AKAP11: variants seen among roughly 807,000 people sequenced by gnomAD.
AKAP11 encodes the protein A-kinase anchoring protein 11.
Under a neutral mutation model 146.1 loss-of-function variants are expected in AKAP11, and 36 were observed. The observed-to-expected ratio is 0.25, with a 90% CI of 0.19 to 0.33. The LOEUF (loss-of-function observed/expected upper bound fraction) is 0.33, where lower values mean the gene tolerates loss of function less well. AKAP11 is among the 10% of genes least tolerant of loss of function. AKAP11 has a pLI of 1.00. For synonymous variants in AKAP11, 780 were observed against 786.5 expected (o/e 0.99, Z 0.14); for missense variants, 2,201 against 2,197.0 (o/e 1.00, Z -0.04).
chr13:42,292,576 G>A, intron 4 of AKAP11, 75 bp downstream of exon 4: 1 of 846,036 alleles, frequency 1.2e-6, no homozygotes, highest in Non-Finnish European at 1.7e-6. Flanking sequence ...AGGACTCTAT[G>A]ATCTATTTTT....
chr13:42,299,833 G>C lies in AKAP11; in HGVS notation c.1087G>C (p.Asp363His). 1 of 1,613,770 alleles carries C rather than the reference G, an allele frequency of 6.2e-7. No individual in the cohort carries two copies. Among genetic ancestry groups the C allele is most frequent in the Non-Finnish European group, 8.5e-7 (1 of 1,179,870 alleles). The change falls in exon 8 of 13, where the codon GAT becomes CAT. Residue 363 changes from aspartate to histidine, a missense_variant. Transcript: ENST00000025301. ...SEFFDSFDQF[D>H]ELEQTLETCL... is the part of the protein sequence containing the mutation. ...ATTTTTTGATAGTTTTGATCAGTTT[G>C]ATGAACTAGAACAAACTTTAGAGAC...
chr13:42,303,426 G>A lies in AKAP11; in HGVS notation c.4680G>A (p.Val1560=), dbSNP rs1427676131. 6 of 1,614,040 alleles carry A rather than the reference G, an allele frequency of 3.7e-6. No individual in the cohort carries two copies. Among genetic ancestry groups the A allele is most frequent in the Non-Finnish European group, 5.1e-6 (6 of 1,180,032 alleles). The change falls in exon 8 of 13, where the codon GTG becomes GTA. Residue 1560 remains valine, a synonymous_variant. Coordinates refer to ENST00000025301, the MANE Select transcript of AKAP11 (RefSeq NM_016248.4). ...DTLELTLGST[V]FRVSETTKSA... is the part of the protein sequence containing the mutation. Reference sequence around the variant, plus strand: ...TAGAGCTAACTCTAGGATCTACAGTGTTCCGAGTGTCTGAGACCACAAAAT... The same window carrying A: ...TAGAGCTAACTCTAGGATCTACAGTATTCCGAGTGTCTGAGACCACAAAAT...
At position 42,298,523 on chromosome 13, in the gene AKAP11, CT is replaced by C. The variant is rs769392668; in HGVS notation, c.352-7del. ...TAAAATTGTTTTTATTATCTTTTAT[CT>C]TTCCCAAGAGTCATCCTTCTGGAAT... is the stretch of plus-strand genomic sequence containing the variant. On this transcript the variant is annotated splice_polypyrimidine_tract_variant and intron_variant, in intron 6 of 12. Transcript: ENST00000025301. 6.2e-7 allele frequency: 1 copy of C among 1,602,432 alleles called. No individual in the cohort carries two copies. The highest frequency in any genetic ancestry group is 1.1e-5 in the South Asian group (1 of 88,078).
chr13:42,282,679 G>C (rs1336016123), intron 1 of AKAP11, among the ~76,000 whole-genome samples: 1 of 152,020 alleles, frequency 6.6e-6, no homozygotes, highest in Non-Finnish European at 1.5e-5. Context: ...AGCAATGTCT[G>C]TTCTGCTTTT....
Position 42,317,553 on chromosome 13 carries a change from G to A in AKAP11, c.5430G>A (p.Leu1810=), listed in dbSNP as rs1386436324. Residue 1810 remains leucine, a synonymous_variant, in exon 12 of 13, where the codon CTG becomes CTA. Coordinates refer to ENST00000025301, the MANE Select transcript of AKAP11 (RefSeq NM_016248.4). ...VEGLGQDGKT[L]LITNIDMEPC... ...GTTTGGGGCAAGATGGAAAGACACTGCTAATTACGAATATTGACATGGAGC... is the reference window on the plus strand; with the variant it reads ...GTTTGGGGCAAGATGGAAAGACACTACTAATTACGAATATTGACATGGAGC... The A allele has an allele frequency of 6.2e-7, 1 of 1,613,838 alleles. No individual in the cohort carries two copies. The highest frequency in any genetic ancestry group is 1.1e-5 in the South Asian group (1 of 91,008).
At position 42,320,555 on chromosome 13, in the gene AKAP11, C is replaced by G. The variant is rs1414987212; in HGVS notation, c.*1327C>G. On this transcript the variant is annotated 3_prime_UTR_variant, in exon 13 of 13. Transcript: ENST00000025301. Reference sequence around the variant, plus strand: ...ACTGTCTCTCACCTCCCCCACCCCCCACTCTCTCTCATCTCTCGCTGTGTC... The same window carrying G: ...ACTGTCTCTCACCTCCCCCACCCCCGACTCTCTCTCATCTCTCGCTGTGTC... 6.6e-6 allele frequency: 1 copy of G among 150,552 alleles called. No individual in the cohort carries two copies. The highest frequency in any genetic ancestry group is 2.4e-5 in the African/African-American group (1 of 40,834). The allele number at this position is 150,552 out of a possible 1,614,324, so 9.3% of individuals were successfully genotyped here. A position where few individuals can be genotyped will look rare whatever the true frequency, so the allele number is the denominator to read the frequency against.
In AKAP11 at chr13:42,317,611, C is replaced by A. The variant is rs1960883541; in HGVS notation, c.5488C>A (p.Leu1830Ile). 1.2e-6 allele frequency: 2 copies of A among 1,614,054 alleles called. No individual in the cohort carries two copies. Among genetic ancestry groups the A allele is most frequent in the Admixed American group, 1.7e-5 (1 of 60,008 alleles). ...CTVDPQLRII[L>I]QWLIASEAEV... ...GGTAGACCCCCAGCTAAGGATTATT[C>A]TTCAGTGGCTCATTGCCTCTGAGGC... Residue 1830 changes from leucine (L) to isoleucine (I), a missense_variant, in exon 12 of 13, where the codon CTT (leucine) becomes ATT (isoleucine). Leu to Ile is a conservative substitution (Grantham distance 5, BLOSUM62 2). This residue lies in a region of AKAP11 where 1,867 missense variants were observed against 1,833.5 expected (regional missense o/e 1.02). Transcript: ENST00000025301.
At chr13:42,277,467 A>T (rs1452714576) in intron 1 of AKAP11, among the ~76,000 whole-genome samples, 1 of 152,244 alleles carries the variant, frequency 6.6e-6, no homozygotes, top group Admixed American at 6.5e-5. Context: ...GACCCATGTT[A>T]TTCCTTTCAA....
chr13:42,303,495 A>C lies in AKAP11; in HGVS notation c.4749A>C (p.Thr1583=). 2.5e-6 allele frequency: 4 copies of C among 1,614,232 alleles called. No individual in the cohort carries two copies. Among genetic ancestry groups the C allele is most frequent in the South Asian group, 1.1e-5 (1 of 91,084 alleles). Residue 1583 remains threonine, a synonymous_variant, in exon 8 of 13, where the codon ACA becomes ACC. Coordinates refer to ENST00000025301, the MANE Select transcript of AKAP11 (RefSeq NM_016248.4). The part of the protein sequence containing the change: ...VTYAEKLSPL[T]GQACRYCDLK... Reference sequence around the variant, plus strand: ...ATGCAGAAAAGTTGTCACCTCTTACAGGTCAAGCTTGCAGATACTGTGACC... The same window carrying C: ...ATGCAGAAAAGTTGTCACCTCTTACCGGTCAAGCTTGCAGATACTGTGACC...
Position 42,319,127 on chromosome 13 carries a change from G to A in AKAP11, c.5605G>A (p.Asp1869Asn), listed in dbSNP as rs1429584967. 1 of 1,613,898 alleles carries A rather than the reference G, an allele frequency of 6.2e-7. No homozygotes were observed. The highest frequency in any genetic ancestry group is 8.5e-7 in the Non-Finnish European group (1 of 1,179,952). The change falls in exon 13 of 13, where the codon GAC becomes AAC. Residue 1869 changes from aspartate to asparagine, a missense_variant. Asp to Asn is a conservative substitution (Grantham distance 23). Coordinates refer to ENST00000025301, the MANE Select transcript of AKAP11 (RefSeq NM_016248.4). ...ACAAGAGAAAGGATGGAAAGTGGGA[G>A]ACCTCCTGCAGGCTGTGCTTCAATA... ...QLQEKGWKVG[D>N]LLQAVLQYYE...
At position 42,292,412 on chromosome 13, in the gene AKAP11, G is replaced by C. The variant is rs1959249963; in HGVS notation, c.79G>C (p.Val27Leu). ...KSFSEDVFQS[V>L]KSLLQSQKEL... ...CTTCAGTGAAGATGTGTTCCAGTCT[G>C]TAAAGTCTTTATTGCAGAGTCAGAA... The change falls in exon 4 of 13, where the codon GTA (valine) becomes CTA (leucine). Residue 27 changes from valine to leucine, a missense_variant. Around this residue, in one of 3 missense-constraint regions of AKAP11, gnomAD observed 331 missense variants for 347.4 expected, o/e 0.95. Coordinates refer to ENST00000025301, the MANE Select transcript of AKAP11 (RefSeq NM_016248.4). 1 of 1,585,368 alleles carries C rather than the reference G, an allele frequency of 6.3e-7. No homozygotes were observed. The highest frequency in any genetic ancestry group is 1.2e-5 in the South Asian group (1 of 86,266).
At chr13:42,309,091 T>A (rs1398536479) in intron 9 of AKAP11, among the ~76,000 whole-genome samples, 1 of 152,178 alleles carries the variant, frequency 6.6e-6, no homozygotes, top group Admixed American at 6.6e-5. Context: ...AGACTTATGC[T>A]TGAATGATTG....
At chr13:42,274,946 C>T (rs990967229) in intron 1 of AKAP11, among the ~76,000 whole-genome samples, 2 of 152,244 alleles carry the variant, frequency 1.3e-5, no homozygotes, top group Admixed American at 1.3e-4. Flanking sequence ...AAAGTTAGTG[C>T]GAAGCACATA....
chr13:42,282,061 T>G (rs1038689168), intron 1 of AKAP11, among the ~76,000 whole-genome samples: 1 of 151,656 alleles, frequency 6.6e-6, no homozygotes, highest in African/African-American at 2.4e-5. Context: ...CTCCGTCTCT[T>G]GGGTTCAAGC....
intron 4 of AKAP11, among the ~76,000 whole-genome samples, chr13:42,295,244 C>T (rs1036117077): frequency 3.9e-5 from 6 of 152,070 alleles, no homozygotes; most frequent in Non-Finnish European, 5.9e-5. Context: ...ATGTACAGGG[C>T]GTGTTCCAGA....
At chr13:42,296,913 G>A in intron 5 of AKAP11, 135 bp from the exon 6 acceptor site, 1 of 589,696 alleles carries the variant, frequency 1.7e-6, no homozygotes, top group African/African-American at 2.0e-5. Flanking sequence ...ATAATAAACT[G>A]TATATGTTAA....
At chr13:42,281,448 G>A (rs1210870968) in intron 1 of AKAP11, among the ~76,000 whole-genome samples, 1 of 152,178 alleles carries the variant, frequency 6.6e-6, no homozygotes, top group Non-Finnish European at 1.5e-5. Context: ...TGGCAATATT[G>A]TTGACAGGCG....
At chr13:42,281,604 T>G (rs1017819760) in intron 1 of AKAP11, among the ~76,000 whole-genome samples, 1 of 152,102 alleles carries the variant, frequency 6.6e-6, no homozygotes, top group African/African-American at 2.4e-5. Flanking sequence ...TTATGTTCAT[T>G]CAGAAAAGTA....
intron 3 of AKAP11, among the ~76,000 whole-genome samples, chr13:42,288,270 C>A (rs915660367): frequency 1.3e-5 from 2 of 152,038 alleles, no homozygotes; most frequent in Non-Finnish European, 2.9e-5. Context: ...AGTTTCTACC[C>A]CAGTAATTTT....
Sources: gnomAD v4.1 joint callset for allele counts (sites outside exome capture counted in the v4.1 genomes callset) on GRCh38, gnomAD v4.1.1 for gene constraint, gnomAD v4.1.1 regional missense constraint, MANE v1.5 for transcripts, NCBI Gene and HGNC (gene_info 2026-07-23, HGNC 2026-07-21) for gene names.